Variants in STXBP5 observed in about 807,000 individuals in gnomAD.
The protein encoded by STXBP5 is syntaxin-binding protein 5.
In STXBP5, 50 loss-of-function variants were observed where a neutral mutation model predicts 152.4. The ratio of observed to expected loss-of-function variants is 0.33; its 90% confidence interval spans 0.26 to 0.42. The LOEUF is 0.42. Ranked by LOEUF, STXBP5 falls within the 10% of genes least tolerant of loss-of-function variation. STXBP5 has a pLI of 1.00. For synonymous variants in STXBP5, 492 were observed against 494.7 expected (o/e 0.99, Z 0.07); for missense variants, 1,167 against 1,388.6 (o/e 0.84, Z 2.54).
chr6:147,370,141 C>T (rs983011691), intron 25 of STXBP5, among the ~76,000 whole-genome samples: 1 of 151,604 alleles, frequency 6.6e-6, no homozygotes, highest in Non-Finnish European at 1.5e-5. Flanking sequence ...TGAAAGGAGC[C>T]AAGAAAAAGA....
At chr6:147,362,307 A>G (rs1001706512) in intron 23 of STXBP5, among the ~76,000 whole-genome samples, 1 of 152,196 alleles carries the variant, frequency 6.6e-6, no homozygotes. Flanking sequence ...ACTGCAAGCT[A>G]TAAAACCTTA....
At chr6:147,230,710 G>A (rs999495691) in intron 2 of STXBP5, among the ~76,000 whole-genome samples, 1 of 151,436 alleles carries the variant, frequency 6.6e-6, no homozygotes, top group Non-Finnish European at 1.5e-5. Flanking sequence ...TGCTATAAGG[G>A]TTGGTAATTT....
chr6:147,214,482 A>T (rs73788818), intron 2 of STXBP5, among the ~76,000 whole-genome samples: 2 of 152,168 alleles, frequency 1.3e-5, no homozygotes, highest in African/African-American at 4.8e-5. Context: ...GTGTTCCTCA[A>T]TGGCCATGTG....
chr6:147,258,585 C>A (rs949556361), intron 4 of STXBP5, among the ~76,000 whole-genome samples: 2 of 152,086 alleles, frequency 1.3e-5, no homozygotes, highest in Non-Finnish European at 2.9e-5. Flanking sequence ...AGGTGCCCAC[C>A]ACCTCGCCTG....
chr6:147,380,398 G>A (rs1786025107), intron 26 of STXBP5, among the ~76,000 whole-genome samples: 1 of 149,346 alleles, frequency 6.7e-6, no homozygotes, highest in African/African-American at 2.5e-5. Flanking sequence ...AAAATTACGT[G>A]GCCAAAGAAT....
chr6:147,380,134 AAATTCAAATGAAAATACAAAG>A (rs1029909671), intron 26 of STXBP5, among the ~76,000 whole-genome samples: 2 of 151,602 alleles, frequency 1.3e-5, no homozygotes, highest in African/African-American at 4.8e-5. Flanking sequence ...GCTGTTCTTA[AAATTCAAATGAAAATACAAAG>A]AATTCAAAAT....
intron 6 of STXBP5, among the ~76,000 whole-genome samples, chr6:147,265,419 G>T (rs1045668722): frequency 1.3e-5 from 2 of 152,004 alleles, no homozygotes; most frequent in Non-Finnish European, 2.9e-5. Context: ...AATATTTATT[G>T]TGTGTCTACT....
chr6:147,291,573 A>G (rs1241499269), intron 9 of STXBP5, among the ~76,000 whole-genome samples: 2 of 152,154 alleles, frequency 1.3e-5, no homozygotes, highest in Non-Finnish European at 2.9e-5. Context: ...ATTAAATCTT[A>G]TATGAGTATC....
intron 16 of STXBP5, among the ~76,000 whole-genome samples, chr6:147,316,835 C>T (rs946665152): frequency 3.3e-5 from 5 of 151,990 alleles, no homozygotes; most frequent in Non-Finnish European, 5.9e-5. Flanking sequence ...CTAGCACCAC[C>T]GTATCTTTAT....
intron 7 of STXBP5, among the ~76,000 whole-genome samples, 181 bp downstream of exon 7, chr6:147,267,348 C>A: frequency 6.6e-6 from 1 of 152,132 alleles, no homozygotes; most frequent in East Asian, 1.9e-4. Context: ...CTTCTTCCCA[C>A]CTGCCATTTG....
At chr6:147,320,123 A>C (rs1221954033) in intron 16 of STXBP5, among the ~76,000 whole-genome samples, 1 of 152,064 alleles carries the variant, frequency 6.6e-6, no homozygotes, top group East Asian at 1.9e-4. Context: ...GATGTTAGCC[A>C]CTGTGTCTGG....
At chr6:147,303,993 G>T (rs1481255188) in intron 9 of STXBP5, among the ~76,000 whole-genome samples, 1 of 152,138 alleles carries the variant, frequency 6.6e-6, no homozygotes, top group African/African-American at 2.4e-5. Context: ...TAAAAGTTTG[G>T]AAACTTTGCA....
chr6:147,378,433 T>C (rs2128421500), intron 26 of STXBP5, among the ~76,000 whole-genome samples: 1 of 150,412 alleles, frequency 6.6e-6, no homozygotes, highest in African/African-American at 2.4e-5. Context: ...AAAAAATTCT[T>C]ATCCGTTCCT....
At chr6:147,283,668 A>G (rs948302225) in intron 8 of STXBP5, among the ~76,000 whole-genome samples, 1 of 152,184 alleles carries the variant, frequency 6.6e-6, no homozygotes, top group Non-Finnish European at 1.5e-5. Context: ...AGTCTTGCTA[A>G]TAAATCAACT....
intron 4 of STXBP5, among the ~76,000 whole-genome samples, chr6:147,256,340 A>C (rs1306131395): frequency 8.5e-6 from 1 of 117,738 alleles, no homozygotes; most frequent in Non-Finnish European, 1.7e-5. Context: ...ATGTAATATC[A>C]TCTAGAACCT....
In STXBP5 at chr6:147,216,870, A is replaced by G. The variant is rs1276130105; in HGVS notation, c.248+10802A>G. Among the ~76,000 whole-genome samples the G allele has an allele frequency of 4.6e-5, 7 of 152,208 alleles. No homozygotes were observed. The East Asian group carries it at 1.2e-3, about 25-fold the overall frequency. On this transcript the variant is annotated intron_variant, in intron 2 of 27. Coordinates refer to ENST00000321680, the MANE Select transcript of STXBP5 (RefSeq NM_001127715.4). Reference sequence around the variant, plus strand: ...TAAGGTTTGCTTTATACAGCTTGTTATTTGTAAGATATATGACGAGTCCTA... The same window carrying G: ...TAAGGTTTGCTTTATACAGCTTGTTGTTTGTAAGATATATGACGAGTCCTA...
chr6:147,221,911 GTC>G (rs996725407), intron 2 of STXBP5, among the ~76,000 whole-genome samples: 2 of 151,548 alleles, frequency 1.3e-5, no homozygotes, highest in African/African-American at 4.8e-5. Context: ...TTTTGTTGTT[GTC>G]TCTCTGTTCT....
Position 147,373,963 on chromosome 6 carries a change from A to G in STXBP5, c.3193+121A>G, listed in dbSNP as rs1487319884. 4 of 583,422 alleles carry G rather than the reference A, an allele frequency of 6.9e-6. No homozygotes were observed. In the South Asian group the frequency reaches 9.9e-5, roughly 14 times the overall value. 36.1% of individuals were successfully genotyped at this position (583,422 alleles called of 1,614,324 possible). The stretch of plus-strand genomic sequence containing the variant: ...TCTCTTTGTCACAATTACTATTTCC[A>G]TGTTTTAACAAAATACATAAAATTA... On this transcript the variant is annotated intron_variant, in intron 26 of 27. Coordinates refer to ENST00000321680, the MANE Select transcript of STXBP5 (RefSeq NM_001127715.4).
intron 6 of STXBP5, among the ~76,000 whole-genome samples, chr6:147,265,052 C>G (rs1205938491): frequency 6.6e-6 from 1 of 151,994 alleles, no homozygotes; most frequent in African/African-American, 2.4e-5. Context: ...GTATATCAAC[C>G]CTTACATTTT....
Sources: gnomAD v4.1 joint callset for allele counts (sites outside exome capture counted in the v4.1 genomes callset) on GRCh38, gnomAD v4.1.1 for gene constraint, MANE v1.5 for transcripts, NCBI Gene and HGNC (gene_info 2026-07-23, HGNC 2026-07-21) for gene names.